ZNF425: variants seen among roughly 807,000 people sequenced by gnomAD.
ZNF425 encodes the protein zinc finger protein 425.
ZNF425 carries 21 observed loss-of-function variants against 17.0 expected under a neutral mutation model. The ratio of observed to expected loss-of-function variants is 1.23; its 90% CI spans 0.88 to 1.78. The LOEUF is 1.78. Among genes scored for constraint, ZNF425 ranks in the 40% most tolerant of loss-of-function variants. The pLI is 0.00. For missense variants in ZNF425, 868 were observed against 967.3 expected (o/e 0.90, Z 1.36); for synonymous variants, 433 against 384.1 (o/e 1.13, Z -1.49).
rs1197119077 is a variant in ZNF425, at chr7:149,102,996, G to A, written c.*616C>T. 1.3e-5 allele frequency: 2 copies of A among 152,230 alleles called. No homozygotes were observed. The highest frequency in any genetic ancestry group is 4.8e-5 in the African/African-American group (2 of 41,466). The allele number at this position is 152,230 out of a possible 1,614,324, so 9.4% of individuals were successfully genotyped here. A position where few individuals can be genotyped will look rare whatever the true frequency, so the allele number is the denominator to read the frequency against. ...GTAACATTTCTTCACTCAGGCTGTAGTTTCTGAATTTAATGAAGGGATTAT... is the reference window on the plus strand; with the variant it reads ...GTAACATTTCTTCACTCAGGCTGTAATTTCTGAATTTAATGAAGGGATTAT... On this transcript the variant is annotated 3_prime_UTR_variant, in exon 4 of 4. Coordinates refer to ENST00000378061, the MANE Select transcript of ZNF425 (RefSeq NM_001001661.3).
intron 1 of ZNF425, among the ~76,000 whole-genome samples, chr7:149,125,389 T>C (rs1198305588): frequency 6.6e-6 from 1 of 152,212 alleles, no homozygotes; most frequent in African/African-American, 2.4e-5. Flanking sequence ...GCATTTACGG[T>C]AAATTCGATT....
chr7:149,121,859 G>T (rs1185078933), intron 1 of ZNF425, among the ~76,000 whole-genome samples: 1 of 151,998 alleles, frequency 6.6e-6, no homozygotes, highest in Non-Finnish European at 1.5e-5. Context: ...CTTTTTATGT[G>T]TTTTTTCCCA....
chr7:149,119,846 C>A (rs186023045), intron 1 of ZNF425, among the ~76,000 whole-genome samples: 1 of 151,976 alleles, frequency 6.6e-6, no homozygotes, highest in Non-Finnish European at 1.5e-5. Flanking sequence ...ATTTACATAG[C>A]GTTTATATTG....
rs1826045759 is a variant in ZNF425, at chr7:149,104,689, T to G, written c.1182A>C (p.Lys394Asn). The G allele has an allele frequency of 2.5e-6, 4 of 1,613,824 alleles. No individual in the cohort carries two copies. The highest frequency in any genetic ancestry group is 2.2e-5 in the South Asian group (2 of 91,084). ...CGTCCAGCTTAATCTTGTAGATGAA[T>G]TTCCTGCCACATTCACCACAAGAAA... is the stretch of plus-strand genomic sequence containing the variant. ...KPFSCGECGR[K>N]FIYKIKLDEH... The change falls in exon 4 of 4, where the codon AAA becomes AAC. Residue 394 changes from lysine to asparagine, a missense_variant. Lys to Asn is a moderately conservative substitution (Grantham distance 94, BLOSUM62 0). This residue lies in a region of ZNF425 where 243 missense variants were observed against 265.2 expected (regional missense o/e 0.92). Coordinates refer to ENST00000378061, the MANE Select transcript of ZNF425 (RefSeq NM_001001661.3). This position sits in a 1 kb window ranked among gnomAD's most constrained non-coding sequence, Gnocchi z 4.3.
At chr7:149,109,025 G>T (rs1232840559) in intron 3 of ZNF425, among the ~76,000 whole-genome samples, 1 of 58 alleles carries the variant, frequency 0.017, no homozygotes, top group East Asian at 0.5. Context: ...TATGTCCCAA[G>T]AGAGTAACAT....
rs1826034806 is a variant in ZNF425, at chr7:149,104,322, G to C, written c.1549C>G (p.Leu517Val). 1.2e-6 allele frequency: 2 copies of C among 1,613,448 alleles called. No homozygotes were observed. Among genetic ancestry groups the C allele is most frequent in the Non-Finnish European group, 1.7e-6 (2 of 1,180,024 alleles). ...FSQQSRLTQHLKVHTTEKPFS... is the reference protein window; with the variant it reads ...FSQQSRLTQHVKVHTTEKPFS... ...GGCTTTTCCGTGGTGTGGACCTTCA[G>C]GTGCTGCGTGAGCCGCGACTGCTGA... The change falls in exon 4 of 4, where the codon CTG (leucine) becomes GTG (valine). Residue 517 changes from leucine to valine, a missense_variant. By Grantham distance (32) the Leu-to-Val change is conservative. This residue lies in a region of ZNF425 where 437 missense variants were observed against 444.2 expected (regional missense o/e 0.98). Transcript: ENST00000378061. The surrounding 1 kb of genome is among the most constrained non-coding windows in gnomAD (Gnocchi z 4.3).
At chr7:149,109,299 G>A (rs943404471) in intron 3 of ZNF425, among the ~76,000 whole-genome samples, 42 of 151,858 alleles carry the variant, frequency 2.8e-4, no homozygotes, top group African/African-American at 9.7e-4. Flanking sequence ...GGCTGGTCTC[G>A]ATCTCTCGAC....
intron 1 of ZNF425, among the ~76,000 whole-genome samples, chr7:149,120,361 G>A (rs972514828): frequency 1.4e-4 from 21 of 152,248 alleles, no homozygotes; most frequent in African/African-American, 4.8e-4. Flanking sequence ...CAGCCTGGGC[G>A]ACAGAATGAG....
Position 149,103,965 on chromosome 7 carries a change from T to C in ZNF425, c.1906A>G (p.Lys636Glu), listed in dbSNP as rs910508865. 10 of 1,613,952 alleles carry C rather than the reference T, an allele frequency of 6.2e-6. No homozygotes were observed. The highest frequency in any genetic ancestry group is 7.6e-6 in the Non-Finnish European group (9 of 1,180,032). The part of the protein sequence containing the change: ...KSHLLQHSGQ[K>E]PFSCVMCGKS... ...CCGCACATCACACAAGAGAATGGCT[T>C]TTGGCCACTGTGCTGCAGCAGGTGG... Residue 636 changes from lysine to glutamate, a missense_variant, in exon 4 of 4, where the codon AAG becomes GAG. By Grantham distance (56) the Lys-to-Glu change is moderately conservative (BLOSUM62 1). Around this residue, in one of 5 missense-constraint regions of ZNF425, gnomAD observed 437 missense variants for 444.2 expected, o/e 0.98. Transcript: ENST00000378061.
intron 3 of ZNF425, 55 bp from the exon 4 acceptor site, chr7:149,105,621 G>A (rs1222492240): frequency 8.1e-7 from 1 of 1,228,716 alleles, no homozygotes; most frequent in Non-Finnish European, 1.1e-6. Context: ...CTATAAATGG[G>A]TTCAAGGACT....
intron 2 of ZNF425, among the ~76,000 whole-genome samples, chr7:149,114,692 C>T (rs182921765): frequency 1.8e-4 from 27 of 150,854 alleles, no homozygotes; most frequent in African/African-American, 6.1e-4. Context: ...CCACTGTGCC[C>T]GGCCCAATAT....
chr7:149,104,707 AC>A lies in ZNF425; in HGVS notation c.1163del (p.Cys388LeufsTer42). The part of the protein sequence containing the change: ...RTHSEEKPFS[C>X]GECGRKFIYK... ...AGATGAATTTCCTGCCACATTCACC[AC>A]AAGAAAACGGCTTTTCCTCGCTGTG... On this transcript the variant is annotated frameshift_variant, in exon 4 of 4. Transcript: ENST00000378061. LOFTEE classifies it low-confidence loss of function (END_TRUNC). This position sits in a 1 kb window ranked among gnomAD's most constrained non-coding sequence, Gnocchi z 4.3. The A allele has an allele frequency of 6.2e-7, 1 of 1,613,554 alleles. No individual in the cohort carries two copies. The highest frequency in any genetic ancestry group is 1.1e-5 in the South Asian group (1 of 91,070).
chr7:149,125,531 C>T (rs938631001), intron 1 of ZNF425, among the ~76,000 whole-genome samples: 8 of 152,268 alleles, frequency 5.3e-5, no homozygotes, highest in African/African-American at 1.9e-4. Context: ...TCTGAAACTA[C>T]CTTCAGCAGG....
intron 3 of ZNF425, 87 bp downstream of exon 3, chr7:149,112,050 G>C: frequency 7.2e-7 from 1 of 1,381,592 alleles, no homozygotes; most frequent in Non-Finnish European, 1.0e-6. Flanking sequence ...TTATTGACTA[G>C]ATCTAGTCAG....
At chr7:149,123,655 C>T (rs1826396462) in intron 1 of ZNF425, among the ~76,000 whole-genome samples, 1 of 152,016 alleles carries the variant, frequency 6.6e-6, no homozygotes, top group Admixed American at 6.6e-5. Context: ...TCTCAGCCTC[C>T]CGAGTAGTTG....
intron 3 of ZNF425, among the ~76,000 whole-genome samples, chr7:149,105,927 G>A (rs534357326): frequency 1.5e-4 from 23 of 148,404 alleles, no homozygotes; most frequent in African/African-American, 4.2e-4. Flanking sequence ...GAGCCACCGC[G>A]CTTGGCCTTT....
In ZNF425 at chr7:149,103,946, A is replaced by G. The variant is rs146409684; in HGVS notation, c.1925T>C (p.Met642Thr). 2.5e-3 allele frequency: 4,108 copies of G among 1,613,808 alleles called. 3 individuals are homozygous for G. The highest frequency in any genetic ancestry group is 3.1e-3 in the Non-Finnish European group (3,637 of 1,179,946). Residue 642 changes from methionine to threonine, a missense_variant, in exon 4 of 4, where the codon ATG becomes ACG. Transcript: ENST00000378061. Reference protein sequence around the residue: ...HSGQKPFSCVMCGKSFTQQYR... With the variant: ...HSGQKPFSCVTCGKSFTQQYR... ...CTGTTGAGTGAAACTTTTGCCGCAC[A>G]TCACACAAGAGAATGGCTTTTGGCC...
At chr7:149,122,521 A>C (rs1826375878) in intron 1 of ZNF425, among the ~76,000 whole-genome samples, 1 of 152,040 alleles carries the variant, frequency 6.6e-6, no homozygotes, top group African/African-American at 2.4e-5. Flanking sequence ...TCCTTCAAAA[A>C]GCAAGTTTTA....
intron 2 of ZNF425, among the ~76,000 whole-genome samples, chr7:149,114,795 A>G (rs1170725909): frequency 2.0e-5 from 3 of 150,740 alleles, no homozygotes; most frequent in East Asian, 2.0e-4. Context: ...AAAAAAAAAA[A>G]AAAGAAAAGA....
Sources: allele counts gnomAD v4.1 joint callset (sites outside exome capture counted in the v4.1 genomes callset), GRCh38; gene constraint gnomAD v4.1.1; regional missense constraint gnomAD v4.1.1; non-coding constraint Gnocchi (gnomAD v3.1); transcripts MANE v1.5; gene names NCBI Gene and HGNC (gene_info 2026-07-23, HGNC 2026-07-21).